The following MAML2 variants were observed in gnomAD, a reference collection of about 807,000 sequenced individuals.
MAML2 encodes mastermind-like protein 2.
In MAML2, 22 loss-of-function variants were observed where a neutral mutation model predicts 96.1. The observed-to-expected ratio is 0.23, with a 90% CI of 0.16 to 0.33. The LOEUF (loss-of-function observed/expected upper bound fraction) is 0.33. Among genes scored for constraint, MAML2 ranks in the 10% least tolerant of loss-of-function variants. MAML2 has a pLI of 1.00. For missense variants in MAML2, 1,367 were observed against 1,392.4 expected (o/e 0.98, Z 0.29); for synonymous variants, 561 against 521.3 (o/e 1.08, Z -1.04).
Position 96,343,172 on chromosome 11 carries a change from G to A in MAML2, c.-1277C>T. 1 of 354,636 alleles carries A rather than the reference G, an allele frequency of 2.8e-6. No homozygotes were observed. Among genetic ancestry groups the A allele is most frequent in the Non-Finnish European group, 5.0e-6 (1 of 198,566 alleles). The allele number at this position is 354,636 out of a possible 1,614,324, so 22.0% of individuals were successfully genotyped here. On this transcript the variant is annotated 5_prime_UTR_variant, in exon 1 of 5. Transcript: ENST00000524717. ...ACAGGCTTTCATTGTGCTCCGATAG[G>A]AGAGGGAGAGAAAGAGAGAGAGTGA...
At chr11:96,340,956 G>T (rs1315268834) in intron 1 of MAML2, among the ~76,000 whole-genome samples, 2 of 152,132 alleles carry the variant, frequency 1.3e-5, no homozygotes, top group Non-Finnish European at 2.9e-5. Flanking sequence ...GGAGAAAAAG[G>T]CTTTAATAAA....
intron 2 of MAML2, among the ~76,000 whole-genome samples, chr11:96,041,120 T>C (rs1858801207): frequency 6.6e-6 from 1 of 152,092 alleles, no homozygotes; most frequent in African/African-American, 2.4e-5. Flanking sequence ...ATTGCTGCTA[T>C]GAACATTCTG....
At chr11:96,099,636 G>A (rs143303069) in intron 1 of MAML2, among the ~76,000 whole-genome samples, 1 of 152,184 alleles carries the variant, frequency 6.6e-6, no homozygotes, top group East Asian at 1.9e-4. Context: ...TCAGTGCCTG[G>A]GAAACGGGAT....
chr11:96,053,865 C>G (rs1004285118), intron 2 of MAML2, among the ~76,000 whole-genome samples: 1 of 152,120 alleles, frequency 6.6e-6, no homozygotes, highest in Non-Finnish European at 1.5e-5. Flanking sequence ...CTCTCTTCAT[C>G]TGTTTGGTAT....
At chr11:96,135,568 G>A (rs1253195553) in intron 1 of MAML2, among the ~76,000 whole-genome samples, 8 of 119,110 alleles carry the variant, frequency 6.7e-5, no homozygotes, top group Admixed American at 5.0e-4. Context: ...TTTTTAAACC[G>A]TGGTAATGAT....
chr11:96,236,293 C>T (rs763119949), intron 1 of MAML2, among the ~76,000 whole-genome samples: 7 of 152,144 alleles, frequency 4.6e-5, no homozygotes, highest in Non-Finnish European at 7.4e-5. Flanking sequence ...GAATCTTTTG[C>T]AATTGCTACT....
intron 1 of MAML2, among the ~76,000 whole-genome samples, chr11:96,159,475 CGATCTCGGCTGCGAGCCGA>C (rs915827632): frequency 1.2e-5 from 1 of 84,452 alleles, no homozygotes; most frequent in Admixed American, 1.6e-4. Flanking sequence ...TGCAGTGGTG[CGATCTCGGCTGCGAGCCGA>C]GATCACTGCG....
intron 1 of MAML2, among the ~76,000 whole-genome samples, chr11:96,156,839 A>G (rs980942276): frequency 5.3e-5 from 8 of 152,208 alleles, no homozygotes; most frequent in South Asian, 2.1e-4. Flanking sequence ...ACAATGTTTC[A>G]TCTCTGAGAT....
intron 2 of MAML2, among the ~76,000 whole-genome samples, chr11:96,016,768 G>T (rs1009836090): frequency 6.6e-6 from 1 of 152,128 alleles, no homozygotes; most frequent in Non-Finnish European, 1.5e-5. Context: ...AATAACTATT[G>T]TTAGTATCCT....
chr11:96,172,957 T>G (rs184525530), intron 1 of MAML2, among the ~76,000 whole-genome samples: 1 of 152,370 alleles, frequency 6.6e-6, no homozygotes, highest in African/African-American at 2.4e-5. Flanking sequence ...GCCTTTCAAA[T>G]GGGCATGCAC....
intron 1 of MAML2, among the ~76,000 whole-genome samples, chr11:96,131,467 T>G (rs1035796750): frequency 6.6e-6 from 1 of 152,222 alleles, no homozygotes; most frequent in Non-Finnish European, 1.5e-5. Context: ...AACAACTTGT[T>G]GTACACTTGA....
chr11:96,088,563 G>A (rs944718132), intron 2 of MAML2, among the ~76,000 whole-genome samples: 3 of 152,112 alleles, frequency 2.0e-5, no homozygotes, highest in Admixed American at 2.0e-4. Context: ...ATCAGGAAGG[G>A]AAGAAAATTA....
chr11:96,342,997 T>G lies in MAML2; in HGVS notation c.-1102A>C. The G allele has an allele frequency of 2.6e-6, 1 of 389,824 alleles. No homozygotes were observed. Among genetic ancestry groups the G allele is most frequent in the Non-Finnish European group, 4.5e-6 (1 of 220,994 alleles). 24.1% of individuals were successfully genotyped at this position (389,824 alleles called of 1,614,324 possible). ...TCCCCGGCCAGTGGATCTGAGGGTC[T>G]GGACTCGCAATAAGCAATCTGGTTC... On this transcript the variant is annotated 5_prime_UTR_variant, in exon 1 of 5. Coordinates refer to ENST00000524717, the MANE Select transcript of MAML2 (RefSeq NM_032427.4).
At chr11:96,159,540 C>T (rs11021452) in intron 1 of MAML2, among the ~76,000 whole-genome samples, 37,028 of 151,230 alleles carry the variant, frequency 0.24, 5,102 homozygotes, top group Middle Eastern at 0.32. Flanking sequence ...ACTCTCCCGC[C>T]TCAGCCTCCC....
At chr11:96,122,636 T>TAC (rs1418020861) in intron 1 of MAML2, among the ~76,000 whole-genome samples, 1 of 152,194 alleles carries the variant, frequency 6.6e-6, no homozygotes, top group African/African-American at 2.4e-5. Context: ...CTATCACACC[T>TAC]GTAGGCTTTT....
At chr11:96,045,426 G>A (rs550833793) in intron 2 of MAML2, among the ~76,000 whole-genome samples, 1 of 152,138 alleles carries the variant, frequency 6.6e-6, no homozygotes, top group Non-Finnish European at 1.5e-5. Context: ...TCATCTGTGA[G>A]ATTAATGTTA....
At position 96,100,568 on chromosome 11, in the gene MAML2, C is replaced by T. The variant is rs568849960; in HGVS notation, c.514-7051G>A. Reference sequence around the variant, plus strand: ...CAAGTGATCTGCCTGCATCGGCCTCCCAAAGTGCTGGGATTACAGGCGTGA... The same window carrying T: ...CAAGTGATCTGCCTGCATCGGCCTCTCAAAGTGCTGGGATTACAGGCGTGA... On this transcript the variant is annotated intron_variant, in intron 1 of 4. Transcript: ENST00000524717. Among the ~76,000 whole-genome samples the T allele has an allele frequency of 2.1e-3, 320 of 152,036 alleles. 1 individual carries two copies. Among genetic ancestry groups the T allele is most frequent in the Middle Eastern group, 6.8e-3 (2 of 294 alleles).
intron 1 of MAML2, among the ~76,000 whole-genome samples, chr11:96,338,582 T>G (rs1863948500): frequency 1.3e-5 from 2 of 152,328 alleles, no homozygotes; most frequent in Middle Eastern, 3.4e-3. Context: ...ATTCAACAAA[T>G]ATTACCCACT....
chr11:96,092,204 C>T lies in MAML2; in HGVS notation c.1827G>A (p.Gln609=), dbSNP rs1246346263. 8 of 1,475,580 alleles carry T rather than the reference C, an allele frequency of 5.4e-6. No homozygotes were observed. The highest frequency in any genetic ancestry group is 3.7e-5 in the South Asian group (3 of 80,122). 91.4% of individuals were successfully genotyped at this position (1,475,580 alleles called of 1,614,324 possible). ...QQQQQQQQQQ[Q]QQQQQQQQQQ... is the part of the protein sequence containing the mutation. ...GTTGCTGTTGCTGTTGCTGCTGCTG[C>T]TGCTGTTGCTGCTGCTGCTGCTGCT... The change falls in exon 2 of 5, where the codon CAG becomes CAA. Residue 609 remains glutamine (Q), a synonymous_variant. Coordinates refer to ENST00000524717, the MANE Select transcript of MAML2 (RefSeq NM_032427.4). The surrounding 1 kb of genome is among the most constrained non-coding windows in gnomAD (Gnocchi z 4.1).
Sources: gnomAD v4.1 joint callset for allele counts (sites outside exome capture counted in the v4.1 genomes callset) on GRCh38, gnomAD v4.1.1 for gene constraint, Gnocchi (gnomAD v3.1) non-coding constraint, MANE v1.5 for transcripts, NCBI Gene and HGNC (gene_info 2026-07-23, HGNC 2026-07-21) for gene names.